The following SPRY3 variants were observed in gnomAD, a reference collection of about 807,000 sequenced individuals.
The protein encoded by SPRY3 is protein sprouty homolog 3.
SPRY3 carries 15 observed loss-of-function variants against 20.2 expected under a neutral mutation model. The observed-to-expected ratio is 0.74, with a 90% CI of 0.50 to 1.14. The LOEUF is 1.14. SPRY3 is among the 50% of genes most tolerant of loss of function. The probability of loss-of-function intolerance (pLI) is 0.00; values close to 1 mark genes in which losing one functional copy is unlikely to be tolerated. For missense variants in SPRY3, 364 were observed against 363.9 expected (o/e 1.00, Z 0.00); for synonymous variants, 143 against 136.5 (o/e 1.05, Z -0.33).
intron 2 of SPRY3, among the ~76,000 whole-genome samples, chrX:155,659,116 T>TTTCTTTC (rs1557353334): frequency 1.0e-5 from 1 of 95,893 alleles, no homozygotes; most frequent in Non-Finnish European, 2.1e-5. Flanking sequence ...TCTTTCTTTC[T>TTTCTTTC]TTCTTTCTTT....
intron 2 of SPRY3, among the ~76,000 whole-genome samples, chrX:155,686,252 G>T (rs1219986707): frequency 9.1e-6 from 1 of 109,599 alleles, no homozygotes; most frequent in African/African-American, 3.3e-5. Context: ...GATAATTATT[G>T]TTGGCATCTA....
At chrX:155,728,597 G>A (rs1018996676) in intron 2 of SPRY3, among the ~76,000 whole-genome samples, 4 of 152,218 alleles carry the variant, frequency 2.6e-5, no homozygotes, top group African/African-American at 9.6e-5. Context: ...AAGGCTCCGT[G>A]GGCATGGGAA....
intron 2 of SPRY3, among the ~76,000 whole-genome samples, chrX:155,742,233 TC>T (rs2091207283): frequency 6.6e-6 from 1 of 151,700 alleles, no homozygotes; most frequent in Non-Finnish European, 1.5e-5. Context: ...CCAACAAAGA[TC>T]AAAAAAGACA....
chrX:155,760,413 C>T (rs2091299502), intron 2 of SPRY3, among the ~76,000 whole-genome samples: 1 of 152,118 alleles, frequency 6.6e-6, no homozygotes, highest in Non-Finnish European at 1.5e-5. Flanking sequence ...TTTATTTGAA[C>T]CTTGAAGTAC....
intron 2 of SPRY3, among the ~76,000 whole-genome samples, chrX:155,751,177 A>C (rs2091260450): frequency 6.6e-6 from 1 of 151,824 alleles, no homozygotes; most frequent in Non-Finnish European, 1.5e-5. Flanking sequence ...GGGATGCTGA[A>C]ATTGAGATTG....
chrX:155,769,630 A>C (rs2091368935), intron 3 of SPRY3, among the ~76,000 whole-genome samples: 2 of 152,186 alleles, frequency 1.3e-5, no homozygotes, highest in African/African-American at 4.8e-5. Flanking sequence ...TGGTATTACA[A>C]ATTTTCCCTG....
At chrX:155,781,281 A>C (rs182048714), downstream of SPRY3, 335 of 167,130 alleles carry the variant, frequency 2.0e-3, 1 homozygote, top group Middle Eastern at 6.7e-3. Flanking sequence ...GAAATACCAG[A>C]CTGGATTTGT....
chrX:155,773,204 G>T (rs1164099087), intron 3 of SPRY3, among the ~76,000 whole-genome samples: 23 of 149,966 alleles, frequency 1.5e-4, no homozygotes, highest in Middle Eastern at 3.5e-3. Context: ...TGCCTTTATT[G>T]CATTCTCCTT....
At chrX:155,650,180 C>G (rs1216498643) in intron 1 of SPRY3, among the ~76,000 whole-genome samples, 2 of 111,585 alleles carry the variant, frequency 1.8e-5, no homozygotes, top group East Asian at 5.6e-4. Context: ...AATGGCCATA[C>G]TGCTCATAGT....
intron 2 of SPRY3, among the ~76,000 whole-genome samples, chrX:155,710,489 T>A (rs1471869166): frequency 6.6e-6 from 1 of 151,612 alleles, no homozygotes; most frequent in Non-Finnish European, 1.5e-5. Flanking sequence ...AGTAATGCCA[T>A]TGAGTTTTGT....
intron 2 of SPRY3, among the ~76,000 whole-genome samples, chrX:155,717,659 T>C (rs1017465194): frequency 2.0e-5 from 3 of 152,074 alleles, no homozygotes; most frequent in African/African-American, 7.2e-5. Context: ...ATGTGGTGTT[T>C]GGTTTTCTGT....
chrX:155,671,676 T>C (rs1440646345), intron 2 of SPRY3, among the ~76,000 whole-genome samples: 3 of 111,700 alleles, frequency 2.7e-5, no homozygotes, highest in Non-Finnish European at 5.7e-5. Flanking sequence ...AGACAGTTTC[T>C]TTTGTTGCCA....
At chrX:155,670,863 C>G (rs2068038265) in intron 2 of SPRY3, among the ~76,000 whole-genome samples, 1 of 111,900 alleles carries the variant, frequency 8.9e-6, no homozygotes, top group African/African-American at 3.2e-5. Flanking sequence ...TCTTCCCATA[C>G]TACGATAGTG....
intron 2 of SPRY3, among the ~76,000 whole-genome samples, chrX:155,747,763 A>T (rs1266704724): frequency 1.3e-5 from 2 of 152,076 alleles, no homozygotes; most frequent in Middle Eastern, 3.4e-3. Flanking sequence ...CAAGAAGGGA[A>T]ACTATGCCAC....
intron 2 of SPRY3, among the ~76,000 whole-genome samples, chrX:155,732,204 G>A (rs1259735931): frequency 2.0e-5 from 3 of 152,018 alleles, no homozygotes; most frequent in Non-Finnish European, 4.4e-5. Context: ...TCCAAAAACA[G>A]TTTTTATATT....
intron 2 of SPRY3, among the ~76,000 whole-genome samples, chrX:155,755,742 T>G (rs1221944637): frequency 6.6e-6 from 1 of 152,128 alleles, no homozygotes; most frequent in African/African-American, 2.4e-5. Context: ...TTTTTAGCCT[T>G]TGGGCATCTG....
chrX:155,712,488 T>C (rs1173392097), intron 2 of SPRY3, among the ~76,000 whole-genome samples: 1 of 152,046 alleles, frequency 6.6e-6, no homozygotes, highest in Non-Finnish European at 1.5e-5. Context: ...CTTTGTCTGA[T>C]ATATGTATAG....
intron 3 of SPRY3, among the ~76,000 whole-genome samples, chrX:155,768,379 T>G (rs1404360191): frequency 6.6e-6 from 1 of 152,150 alleles, no homozygotes; most frequent in Non-Finnish European, 1.5e-5. Flanking sequence ...GACTTCAAAA[T>G]AATATTTTTC....
chrX:155,752,793 C>T (rs2091269517), intron 2 of SPRY3, among the ~76,000 whole-genome samples: 1 of 151,802 alleles, frequency 6.6e-6, no homozygotes, highest in African/African-American at 2.4e-5. Context: ...CTCCTAAACT[C>T]CTTACCAGTA....
Sources: gnomAD v4.1 joint callset for allele counts (sites outside exome capture counted in the v4.1 genomes callset) on GRCh38, gnomAD v4.1.1 for gene constraint, MANE v1.5 for transcripts, NCBI Gene and HGNC (gene_info 2026-07-23, HGNC 2026-07-21) for gene names.